FMO4: variants seen among roughly 807,000 people sequenced by gnomAD.
The protein encoded by FMO4 is dimethylaniline monooxygenase [N-oxide-forming] 4.
In FMO4, 38 loss-of-function variants were observed where a neutral mutation model predicts 43.3. The observed-to-expected ratio is 0.88, with a 90% CI of 0.68 to 1.15. The LOEUF is 1.15. Among genes scored for constraint, FMO4 ranks in the 50% most tolerant of loss-of-function variants. FMO4 has a pLI of 0.00. For missense variants in FMO4, 631 were observed against 663.3 expected, an observed-to-expected ratio of 0.95 and a Z score of 0.54; for synonymous variants, 224 against 232.2, an observed-to-expected ratio of 0.96 and a Z score of 0.32.
chr1:171,341,434 CA>C lies in FMO4; in HGVS notation c.1275del (p.Asp426ThrfsTer16). ...TCAGGGGAGTGTTTAAAGACACCAG[CA>C]AAGACAAATTTGACTACATTGCCTA... ...IKRGVFKDTS[K>X]DKFDYIAYMD... On this transcript the variant is annotated frameshift_variant, in exon 10 of 10. Coordinates refer to ENST00000367749, the MANE Select transcript of FMO4 (RefSeq NM_002022.3). LOFTEE classifies it low-confidence loss of function (END_TRUNC). 1 of 1,613,580 alleles carries C rather than the reference CA, an allele frequency of 6.2e-7. No individual in the cohort carries two copies. The highest frequency in any genetic ancestry group is 8.5e-7 in the Non-Finnish European group (1 of 1,179,762).
chr1:171,314,916 A>C (rs1269221461), intron 1 of FMO4, among the ~76,000 whole-genome samples: 1 of 152,206 alleles, frequency 6.6e-6, no homozygotes, highest in Non-Finnish European at 1.5e-5. Context: ...TTTGCTGGTC[A>C]GTCAGGTATA....
intron 5 of FMO4, among the ~76,000 whole-genome samples, chr1:171,325,818 T>C (rs1399439837): frequency 1.8e-4 from 4 of 21,720 alleles, no homozygotes; most frequent in Admixed American, 3.0e-4. Flanking sequence ...TAGACTATCC[T>C]TTTTTTTTTT....
chr1:171,325,503 CTT>C (rs970220320), intron 5 of FMO4, among the ~76,000 whole-genome samples: 2 of 152,076 alleles, frequency 1.3e-5, no homozygotes, highest in African/African-American at 4.8e-5. Context: ...AAGGAAAATA[CTT>C]CTTATAAATG....
chr1:171,333,415 T>C (rs553881718), intron 7 of FMO4, among the ~76,000 whole-genome samples: 2 of 151,980 alleles, frequency 1.3e-5, no homozygotes, highest in East Asian at 3.9e-4. Context: ...GTAGAGACAG[T>C]GTTTCACCAT....
At chr1:171,321,028 T>C (rs1407091016) in intron 3 of FMO4, among the ~76,000 whole-genome samples, 2 of 151,550 alleles carry the variant, frequency 1.3e-5, no homozygotes, top group South Asian at 2.1e-4. Context: ...ACCATAACCC[T>C]AGGATTATAG....
chr1:171,324,651 A>G (rs947648664), intron 5 of FMO4, among the ~76,000 whole-genome samples: 8 of 152,314 alleles, frequency 5.3e-5, no homozygotes, highest in African/African-American at 1.9e-4. Flanking sequence ...CTGGCCTGTA[A>G]TAGAACTTAC....
Position 171,334,646 on chromosome 1 carries a change from G to A in FMO4, c.1063G>A (p.Val355Ile). 6.2e-7 allele frequency: 1 copy of A among 1,613,676 alleles called. No individual in the cohort carries two copies. Among genetic ancestry groups the A allele is most frequent in the Non-Finnish European group, 8.5e-7 (1 of 1,179,634 alleles). Residue 355 changes from valine (V) to isoleucine (I), a missense_variant, in exon 8 of 10, where the codon GTC becomes ATC. Transcript: ENST00000367749. ...CTKKIFLYKQ[V>I]FPLNLERATL... is the part of the protein sequence containing the mutation. ...AAAGAAGATATTTCTATACAAGCAA[G>A]TCTTTCCCTTAAACCTAGAGAGAGC...
At chr1:171,326,259 G>T (rs1662663198) in intron 5 of FMO4, among the ~76,000 whole-genome samples, 1 of 152,002 alleles carries the variant, frequency 6.6e-6, no homozygotes, top group South Asian at 2.1e-4. Flanking sequence ...GAAAGTACCA[G>T]GATTATTTCT....
In FMO4 at chr1:171,341,694, T is replaced by G. The variant is rs747858852; in HGVS notation, c.1532T>G (p.Met511Arg). The change falls in exon 10 of 10, where the codon ATG becomes AGG. Residue 511 changes from methionine to arginine, a missense_variant. Physicochemically the swap from Met to Arg is moderately conservative, Grantham distance 91. Coordinates refer to ENST00000367749, the MANE Select transcript of FMO4 (RefSeq NM_002022.3). ...CCTGATTCCTCCAAGCCTGCCTCCATGTCACATTATTTAAAAGCCTGGGGG... is the reference window on the plus strand; with the variant it reads ...CCTGATTCCTCCAAGCCTGCCTCCAGGTCACATTATTTAAAAGCCTGGGGG... ...IVPDSSKPAS[M>R]SHYLKAWGAP... 6.2e-7 allele frequency: 1 copy of G among 1,613,948 alleles called. No individual in the cohort carries two copies. Among genetic ancestry groups the G allele is most frequent in the Admixed American group, 1.7e-5 (1 of 59,950 alleles).
At position 171,323,284 on chromosome 1, in the gene FMO4, T is replaced by C. The variant is rs45450796; in HGVS notation, c.321+92T>C. ...TTGGATGTTTAAAGTAAACTTTTTA[T>C]TGATTTTATCTCCAAATAAATAGGA... is the stretch of plus-strand genomic sequence containing the variant. On this transcript the variant is annotated intron_variant, in intron 4 of 9. Transcript: ENST00000367749. 6 of 800,006 alleles carry C rather than the reference T, an allele frequency of 7.5e-6. No homozygotes were observed. In the Admixed American group the frequency reaches 1.5e-4, roughly 20 times the overall value. 49.6% of individuals were successfully genotyped at this position (800,006 alleles called of 1,614,324 possible). A position where few individuals can be genotyped will look rare whatever the true frequency, so the allele number is the denominator to read the frequency against.
intron 3 of FMO4, among the ~76,000 whole-genome samples, chr1:171,320,488 C>T (rs187180581): frequency 1.3e-5 from 2 of 152,294 alleles, no homozygotes; most frequent in African/African-American, 4.8e-5. Flanking sequence ...AGAACTCAGG[C>T]ACTAACCAAT....
At chr1:171,316,468 T>C (rs560758643) in intron 2 of FMO4, 141 bp downstream of exon 2, 2 of 152,332 alleles carry the variant, frequency 1.3e-5, no homozygotes, top group East Asian at 3.9e-4. Context: ...TGCAAGGCAC[T>C]TTTTTGTGTA....
chr1:171,332,917 AT>A lies in FMO4; in HGVS notation c.827+15del, dbSNP rs1558041521. On this transcript the variant is annotated intron_variant, in intron 7 of 9. Coordinates refer to ENST00000367749, the MANE Select transcript of FMO4 (RefSeq NM_002022.3). ...TTAAGTATTACCAAAGGGTACTTAC[AT>A]TTTTTATTTAGTAGAAAAAATATTA... The A allele has an allele frequency of 9.0e-7, 1 of 1,113,300 alleles. No individual in the cohort carries two copies. Among genetic ancestry groups the A allele is most frequent in the Middle Eastern group, 2.1e-4 (1 of 4,864 alleles). 69.0% of individuals were successfully genotyped at this position (1,113,300 alleles called of 1,614,324 possible).
chr1:171,325,701 G>A (rs949724741), intron 5 of FMO4, among the ~76,000 whole-genome samples: 2 of 151,606 alleles, frequency 1.3e-5, no homozygotes, highest in South Asian at 2.1e-4. Context: ...TTTTCTATAG[G>A]AAAATGTGCT....
rs543848295 is a variant in FMO4 at position 171,337,618 on chromosome 1, G to A, written c.1250+193G>A. Among the ~76,000 whole-genome samples the A allele has an allele frequency of 1.2e-4, 18 of 152,222 alleles. No homozygotes were observed. The South Asian group carries it at 3.7e-3, about 32-fold the overall frequency. Reference sequence around the variant, plus strand: ...ACGTGGCCTTAGACAAGTCATCTGGGGACACCAGGTCTTTTCAGTGGAACA... The same window carrying A: ...ACGTGGCCTTAGACAAGTCATCTGGAGACACCAGGTCTTTTCAGTGGAACA... On this transcript the variant is annotated intron_variant, in intron 9 of 9. Transcript: ENST00000367749.
intron 5 of FMO4, among the ~76,000 whole-genome samples, chr1:171,326,073 C>T (rs1229333467): frequency 6.6e-6 from 1 of 151,716 alleles, no homozygotes; most frequent in East Asian, 1.9e-4. Context: ...GTTTCAAACT[C>T]CTGGGCTCAA....
chr1:171,321,353 G>C (rs1051949448), intron 3 of FMO4, among the ~76,000 whole-genome samples: 1 of 152,060 alleles, frequency 6.6e-6, no homozygotes, highest in Non-Finnish European at 1.5e-5. Context: ...TGGGGGTTTA[G>C]GTATCCCTTT....
chr1:171,331,751 T>C lies in FMO4; in HGVS notation c.596T>C (p.Ile199Thr), dbSNP rs557299834. 17 of 1,613,742 alleles carry C rather than the reference T, an allele frequency of 1.1e-5. No individual in the cohort carries two copies. Among genetic ancestry groups the C allele is most frequent in the East Asian group, 2.2e-5 (1 of 44,882 alleles). The stretch of plus-strand genomic sequence containing the variant: ...GGTCTTGGGAACACTGGAGGAGACA[T>C]TGCTGTGGAACTCAGTCGAACGGCA... ...VIGLGNTGGDIAVELSRTAAQ... is the reference protein window; with the variant it reads ...VIGLGNTGGDTAVELSRTAAQ... Residue 199 changes from isoleucine (I) to threonine (T), a missense_variant, in exon 6 of 10, where the codon ATT (isoleucine) becomes ACT (threonine). Ile to Thr is a moderately conservative substitution (Grantham distance 89). Coordinates refer to ENST00000367749, the MANE Select transcript of FMO4 (RefSeq NM_002022.3).
Position 171,322,894 on chromosome 1 carries a change from C to T in FMO4, c.133-110C>T, listed in dbSNP as rs1265299151. Reference sequence around the variant, plus strand: ...AAAGTAAATAAAATTACAAATGGAACATTAATTGCTATAACCCGCCCTCAG... The same window carrying T: ...AAAGTAAATAAAATTACAAATGGAATATTAATTGCTATAACCCGCCCTCAG... On this transcript the variant is annotated intron_variant, in intron 3 of 9. Transcript: ENST00000367749. The T allele has an allele frequency of 4.1e-6, 3 of 724,176 alleles. No homozygotes were observed. In the East Asian group the frequency reaches 7.8e-5, roughly 19 times the overall value. 44.9% of individuals were successfully genotyped at this position (724,176 alleles called of 1,614,324 possible).
Sources: gnomAD v4.1 joint callset for allele counts (sites outside exome capture counted in the v4.1 genomes callset) on GRCh38, gnomAD v4.1.1 for gene constraint, MANE v1.5 for transcripts, NCBI Gene and HGNC (gene_info 2026-07-23, HGNC 2026-07-21) for gene names.